Variants in DYSF observed in about 807,000 individuals in gnomAD.
DYSF encodes the protein dysferlin.
In DYSF, 212 loss-of-function variants were observed where a neutral mutation model predicts 274.9. That is an observed-to-expected ratio of 0.77 (90% confidence interval 0.69 to 0.86). The LOEUF (loss-of-function observed/expected upper bound fraction) is 0.86, where lower values mean the gene tolerates loss of function less well. DYSF is among the 40% of genes least tolerant of loss of function. DYSF has a pLI of 0.00. For synonymous variants in DYSF, 1,091 were observed against 1,078.7 expected, an observed-to-expected ratio of 1.01 and a Z score of -0.22; for missense variants, 2,666 against 2,783.2, an observed-to-expected ratio of 0.96 and a Z score of 0.95.
chr2:71,622,414 G>A (rs529241920), intron 41 of DYSF, among the ~76,000 whole-genome samples: 4 of 152,078 alleles, frequency 2.6e-5, no homozygotes, highest in Non-Finnish European at 5.9e-5. Flanking sequence ...AATGATAAAC[G>A]TGTTAGTTTC....
chr2:71,540,627 G>A (rs1049193766), intron 17 of DYSF, among the ~76,000 whole-genome samples: 1 of 151,288 alleles, frequency 6.6e-6, no homozygotes, highest in Non-Finnish European at 1.5e-5. Context: ...AGCTGGTGAA[G>A]TTGACCGATT....
At chr2:71,586,305 C>T (rs1553368582) in intron 30 of DYSF, among the ~76,000 whole-genome samples, 1 of 152,110 alleles carries the variant, frequency 6.6e-6, no homozygotes, top group Non-Finnish European at 1.5e-5. Context: ...TGTGTCTCCC[C>T]TGGTGCCCCA....
chr2:71,517,116 G>T, intron 10 of DYSF, 77 bp downstream of exon 10: 1 of 1,340,652 alleles, frequency 7.5e-7, no homozygotes, highest in Non-Finnish European at 1.1e-6. Flanking sequence ...CCATGGGCAG[G>T]GGCTCCAGAG....
chr2:71,494,991 A>G (rs553604552), intron 3 of DYSF, among the ~76,000 whole-genome samples: 28 of 152,314 alleles, frequency 1.8e-4, no homozygotes, highest in African/African-American at 6.7e-4. Flanking sequence ...ACTGGGTGGG[A>G]TGGGAATGTG....
At chr2:71,493,291 T>C (rs1475172440) in intron 3 of DYSF, among the ~76,000 whole-genome samples, 2 of 152,194 alleles carry the variant, frequency 1.3e-5, no homozygotes, top group Non-Finnish European at 2.9e-5. Context: ...TCTCCCCCAG[T>C]GCGGGATTCA....
chr2:71,482,114 T>C lies in DYSF; in HGVS notation c.239+144T>C, dbSNP rs572220536. ...TCCTCCCATGGGACTGGCCCAGTGA[T>C]AGATGTTGGGAGAATCTGGCTGTGG... On this transcript the variant is annotated intron_variant, in intron 3 of 55. Coordinates refer to ENST00000410020, the MANE Select transcript of DYSF (RefSeq NM_001130987.2). The C allele has an allele frequency of 3.4e-5, 23 of 682,898 alleles. No homozygotes were observed. In the South Asian group the frequency reaches 4.1e-4, roughly 12 times the overall value. 42.3% of individuals were successfully genotyped at this position (682,898 alleles called of 1,614,324 possible).
upstream of DYSF, among the ~76,000 whole-genome samples, chr2:71,463,616 C>T (rs191948720): frequency 1.5e-3 from 224 of 152,370 alleles, 2 homozygotes; most frequent in Non-Finnish European, 3.4e-4. Flanking sequence ...TCATCCTGTA[C>T]CCAGGCAGGC....
chr2:71,592,949 C>T (rs1020785966), intron 32 of DYSF, among the ~76,000 whole-genome samples: 3 of 152,106 alleles, frequency 2.0e-5, no homozygotes, highest in African/African-American at 7.2e-5. Flanking sequence ...GAGATATTGC[C>T]ATCCAGACGG....
upstream of DYSF, among the ~76,000 whole-genome samples, chr2:71,466,351 C>A (rs1047790046): frequency 6.6e-6 from 1 of 152,228 alleles, no homozygotes; most frequent in African/African-American, 2.4e-5. Flanking sequence ...TCCTTCTCAC[C>A]CTTTCGTCGA....
At chr2:71,558,983 C>T (rs891013240) in intron 22 of DYSF, among the ~76,000 whole-genome samples, 1 of 152,186 alleles carries the variant, frequency 6.6e-6, no homozygotes, top group African/African-American at 2.4e-5. Flanking sequence ...TGAGCGAACT[C>T]AGGCCCATAG....
In DYSF at chr2:71,553,126, A is replaced by C; in HGVS notation, c.1922A>C (p.Lys641Thr). The C allele has an allele frequency of 6.2e-7, 1 of 1,614,128 alleles. No individual in the cohort carries two copies. The change falls in exon 20 of 56, where the codon AAG becomes ACG. Residue 641 changes from lysine to threonine, a missense_variant. Physicochemically the swap from Lys to Thr is moderately conservative, Grantham distance 78 (BLOSUM62 -1). Coordinates refer to ENST00000410020, the MANE Select transcript of DYSF (RefSeq NM_001130987.2). ...FEVSIGNYGN[K>T]FDMTCLPLAS... ...GTCAGCATCGGGAACTACGGGAACAAGTTCGACATGACCTGCCTGCCGCTG... is the reference window on the plus strand; with the variant it reads ...GTCAGCATCGGGAACTACGGGAACACGTTCGACATGACCTGCCTGCCGCTG...
At chr2:71,546,332 CTG>C (rs2090471696) in intron 17 of DYSF, among the ~76,000 whole-genome samples, 1 of 152,262 alleles carries the variant, frequency 6.6e-6, no homozygotes, top group Non-Finnish European at 1.5e-5. Flanking sequence ...CCAAATGAAA[CTG>C]AACTGTAAAA....
At chr2:71,674,442 G>A in intron 52 of DYSF, 146 bp downstream of exon 52, 1 of 769,646 alleles carries the variant, frequency 1.3e-6, no homozygotes, top group Non-Finnish European at 2.3e-6. Flanking sequence ...AGGGTCATGT[G>A]TCCCCAGTGT....
chr2:71,666,111 G>T (rs551931244), intron 47 of DYSF, among the ~76,000 whole-genome samples: 1 of 151,766 alleles, frequency 6.6e-6, no homozygotes, highest in Non-Finnish European at 1.5e-5. Context: ...CGGCCATAAG[G>T]CGCCCCCAGC....
chr2:71,574,174 G>C (rs1343269792), intron 29 of DYSF, 24 bp from the exon 30 acceptor site: 1 of 1,612,062 alleles, frequency 6.2e-7, no homozygotes, highest in Non-Finnish European at 8.5e-7. Flanking sequence ...ACCGGCCTCT[G>C]AGTCTGCCCC....
intron 3 of DYSF, among the ~76,000 whole-genome samples, chr2:71,483,836 C>T (rs1195841800): frequency 1.3e-5 from 2 of 151,896 alleles, no homozygotes; most frequent in Non-Finnish European, 2.9e-5. Context: ...AGTCACTGAG[C>T]CCCATGTGCC....
chr2:71,686,491 G>A lies in DYSF; in HGVS notation c.6359G>A (p.Ter2120=), dbSNP rs762886006. ...AAMKLVKPFS[*] ...ATGAAGCTGGTGAAGCCCTTCAGCT[G>A]AGGACTCTCCTGCCCTGTAGAAGGG... The change falls in exon 56 of 56, where the codon TGA becomes TAA. Residue 2120 remains the stop codon, a stop_retained_variant. Transcript: ENST00000410020. The A allele has an allele frequency of 5.6e-6, 9 of 1,614,096 alleles. No individual in the cohort carries two copies. The highest frequency in any genetic ancestry group is 6.8e-6 in the Non-Finnish European group (8 of 1,180,006).
intron 40 of DYSF, 54 bp downstream of exon 40, chr2:71,613,464 A>T (rs1341163580): frequency 7.0e-7 from 1 of 1,421,202 alleles, no homozygotes; most frequent in East Asian, 2.3e-5. Flanking sequence ...TCCATTCCTC[A>T]TCAATTCCCA....
intron 17 of DYSF, 134 bp from the exon 18 acceptor site, chr2:71,550,907 C>T (rs1350438973): frequency 5.4e-6 from 4 of 737,568 alleles, no homozygotes; most frequent in African/African-American, 3.5e-5. Flanking sequence ...TCTTTATACA[C>T]TGACAGGAGC....
Sources: allele counts gnomAD v4.1 joint callset (sites outside exome capture counted in the v4.1 genomes callset), GRCh38; gene constraint gnomAD v4.1.1; transcripts MANE v1.5; gene names NCBI Gene and HGNC (gene_info 2026-07-23, HGNC 2026-07-21).